The following EFNB3 variants were observed in gnomAD, a reference collection of about 807,000 sequenced individuals.
EFNB3 encodes ephrin-B3.
Under a neutral mutation model 29.8 loss-of-function variants are expected in EFNB3, and 14 were observed. That is an observed-to-expected ratio of 0.47 (90% CI 0.31 to 0.73). The LOEUF (loss-of-function observed/expected upper bound fraction) is 0.73. Among genes scored for constraint, EFNB3 ranks in the 30% least tolerant of loss-of-function variants. The pLI is 0.05. For missense variants in EFNB3, 408 were observed against 458.0 expected, an observed-to-expected ratio of 0.89 and a Z score of 1.00; for synonymous variants, 216 against 191.6, an observed-to-expected ratio of 1.13 and a Z score of -1.05.
chr17:7,709,976 T>G lies in EFNB3; in HGVS notation c.*400T>G. ...CTGGTTTTCTCTTCTCTATCTCTTA[T>G]TCTTTCCCTCTCTTCCGTCTCTAGG... On this transcript the variant is annotated 3_prime_UTR_variant, in exon 5 of 5. Transcript: ENST00000226091. The surrounding 1 kb of genome is among the most constrained non-coding windows in gnomAD (Gnocchi z 4.5). 6.4e-6 allele frequency: 2 copies of G among 312,670 alleles called. No homozygotes were observed. The highest frequency in any genetic ancestry group is 6.0e-6 in the Non-Finnish European group (1 of 166,754). The allele number at this position is 312,670 out of a possible 1,614,324, so 19.4% of individuals were successfully genotyped here. A position where few individuals can be genotyped will look rare whatever the true frequency, so the allele number is the denominator to read the frequency against.
rs1364961418 is a variant in EFNB3, at chr17:7,709,756, A to C, written c.*180A>C. 2.9e-6 allele frequency: 2 copies of C among 684,318 alleles called. No homozygotes were observed. The highest frequency in any genetic ancestry group is 5.7e-5 in the East Asian group (2 of 34,820). 42.4% of individuals were successfully genotyped at this position (684,318 alleles called of 1,614,324 possible). On this transcript the variant is annotated 3_prime_UTR_variant, in exon 5 of 5. Coordinates refer to ENST00000226091, the MANE Select transcript of EFNB3 (RefSeq NM_001406.4). This position sits in a 1 kb window ranked among gnomAD's most constrained non-coding sequence, Gnocchi z 4.5. ...GATTCCTTAGGATTCCCACTGCCCC[A>C]CTTCCTGCCCTCCCGTTTGGCCATG...
At chr17:7,707,580 A>G (rs1219713255) in intron 1 of EFNB3, among the ~76,000 whole-genome samples, 2 of 152,146 alleles carry the variant, frequency 1.3e-5, no homozygotes, top group African/African-American at 4.8e-5. Context: ...GAATAGTGAA[A>G]TCACCTGGGA....
At position 7,709,621 on chromosome 17, in the gene EFNB3, T is replaced by C. The variant is rs747225977; in HGVS notation, c.*45T>C. 1.2e-6 allele frequency: 2 copies of C among 1,611,800 alleles called. No individual in the cohort carries two copies. Among genetic ancestry groups the C allele is most frequent in the Non-Finnish European group, 1.7e-6 (2 of 1,179,226 alleles). ...ATCCTGAATCCAGCCCTTCTTGGGG[T>C]GCTCCTCCAGTTTAATTCCTGGTTT... On this transcript the variant is annotated 3_prime_UTR_variant, in exon 5 of 5. Transcript: ENST00000226091. The surrounding 1 kb of genome is among the most constrained non-coding windows in gnomAD (Gnocchi z 4.5).
Position 7,709,842 on chromosome 17 carries a change from A to G in EFNB3, c.*266A>G. 1.8e-6 allele frequency: 1 copy of G among 559,026 alleles called. No individual in the cohort carries two copies. Among genetic ancestry groups the G allele is most frequent in the African/African-American group, 1.9e-5 (1 of 52,288 alleles). 34.6% of individuals were successfully genotyped at this position (559,026 alleles called of 1,614,324 possible). A position where few individuals can be genotyped will look rare whatever the true frequency, so the allele number is the denominator to read the frequency against. On this transcript the variant is annotated 3_prime_UTR_variant, in exon 5 of 5. Coordinates refer to ENST00000226091, the MANE Select transcript of EFNB3 (RefSeq NM_001406.4). The surrounding 1 kb of genome is among the most constrained non-coding windows in gnomAD (Gnocchi z 4.5). ...TTTCCTTGGGGAGGGGCACAGGCTC[A>G]GCCTCCTCTCTGACCATGACCCAGG... is the stretch of plus-strand genomic sequence containing the variant.
chr17:7,705,555 C>G lies in EFNB3; in HGVS notation c.-44C>G. 8.2e-7 allele frequency: 1 copy of G among 1,220,120 alleles called. No homozygotes were observed. Among genetic ancestry groups the G allele is most frequent in the Non-Finnish European group, 1.1e-6 (1 of 914,266 alleles). 75.6% of individuals were successfully genotyped at this position (1,220,120 alleles called of 1,614,324 possible). A position where few individuals can be genotyped will look rare whatever the true frequency, so the allele number is the denominator to read the frequency against. Reference sequence around the variant, plus strand: ...GGCAGCCACCCCGGGGGGTGGGCGACTTTGGGGGAGTTGGTGCCCCGCCCC... The same window carrying G: ...GGCAGCCACCCCGGGGGGTGGGCGAGTTTGGGGGAGTTGGTGCCCCGCCCC... On this transcript the variant is annotated 5_prime_UTR_variant, in exon 1 of 5. Transcript: ENST00000226091. The surrounding 1 kb of genome is among the most constrained non-coding windows in gnomAD (Gnocchi z 5.4).
At position 7,708,493 on chromosome 17, in the gene EFNB3, C is replaced by A. The variant is rs1325873251; in HGVS notation, c.474C>A (p.Thr158=). The A allele has an allele frequency of 6.2e-7, 1 of 1,613,980 alleles. No homozygotes were observed. The highest frequency in any genetic ancestry group is 2.2e-5 in the East Asian group (1 of 44,878). ...LESLQGGVCL[T]RGMKVLLRVG... The stretch of plus-strand genomic sequence containing the variant: ...GCCTGCAGGGAGGTGTGTGCCTAAC[C>A]AGAGGCATGAAGGTGCTTCTCCGAG... The change falls in exon 3 of 5, where the codon ACC becomes ACA. Residue 158 remains threonine (T), a synonymous_variant. Coordinates refer to ENST00000226091, the MANE Select transcript of EFNB3 (RefSeq NM_001406.4). The surrounding 1 kb of genome is among the most constrained non-coding windows in gnomAD (Gnocchi z 6.8).
chr17:7,707,844 G>T, intron 1 of EFNB3, 114 bp from the exon 2 acceptor site: 1 of 1,229,556 alleles, frequency 8.1e-7, no homozygotes, highest in Middle Eastern at 2.8e-4. Context: ...ACAAAGGCGG[G>T]CAAGCGTGAG....
At chr17:7,707,143 G>A (rs2074330070) in intron 1 of EFNB3, among the ~76,000 whole-genome samples, 1 of 152,186 alleles carries the variant, frequency 6.6e-6, no homozygotes, top group South Asian at 2.1e-4. Context: ...TGTCTCAGCA[G>A]CTATTGATGT....
In EFNB3 at chr17:7,708,808, G is replaced by A. The variant is rs544076747; in HGVS notation, c.613+69G>A. On this transcript the variant is annotated intron_variant, in intron 4 of 4. Coordinates refer to ENST00000226091, the MANE Select transcript of EFNB3 (RefSeq NM_001406.4). This position sits in a 1 kb window ranked among gnomAD's most constrained non-coding sequence, Gnocchi z 6.8. ...GCTCTCAGACCCCAGCTGCCCTGCC[G>A]TCACCCTCCCTCCCTCTTCAGTTTT... is the stretch of plus-strand genomic sequence containing the variant. 2.6e-5 allele frequency: 36 copies of A among 1,373,672 alleles called. No homozygotes were observed. The Admixed American group carries it at 3.0e-4, about 11-fold the overall frequency. The allele number at this position is 1,373,672 out of a possible 1,614,324, so 85.1% of individuals were successfully genotyped here. A position where few individuals can be genotyped will look rare whatever the true frequency, so the allele number is the denominator to read the frequency against.
chr17:7,707,353 C>T (rs915144621), intron 1 of EFNB3, among the ~76,000 whole-genome samples: 1 of 152,218 alleles, frequency 6.6e-6, no homozygotes, highest in Non-Finnish European at 1.5e-5. Context: ...ACTCAGGCAG[C>T]AGGTTCCTAG....
chr17:7,706,971 G>A (rs533211427), intron 1 of EFNB3, among the ~76,000 whole-genome samples: 1 of 152,320 alleles, frequency 6.6e-6, no homozygotes, highest in East Asian at 1.9e-4. Context: ...TGCAATGTGA[G>A]TATCAGGTGT....
rs2074335338 is a variant in EFNB3 at position 7,708,441 on chromosome 17, C to T, written c.422C>T (p.Ser141Leu). The T allele has an allele frequency of 1.9e-6, 3 of 1,612,828 alleles. No individual in the cohort carries two copies. Among genetic ancestry groups the T allele is most frequent in the Non-Finnish European group, 2.5e-6 (3 of 1,179,480 alleles). Reference protein sequence around the residue: ...SHHDYYIIATSDGTREGLESL... With the variant: ...SHHDYYIIATLDGTREGLESL... ...TCTGGCTTTTCTCTCCCAGCCACAT[C>T]GGATGGGACCCGGGAGGGCCTGGAG... The change falls in exon 3 of 5, where the codon TCG (serine) becomes TTG (leucine). Residue 141 changes from serine (S) to leucine (L), a missense_variant. Around this residue, in one of 3 missense-constraint regions of EFNB3, gnomAD observed 47 missense variants for 86.6 expected, o/e 0.54. Coordinates refer to ENST00000226091, the MANE Select transcript of EFNB3 (RefSeq NM_001406.4). The surrounding 1 kb of genome is among the most constrained non-coding windows in gnomAD (Gnocchi z 6.8).
rs2074326453 is a variant in EFNB3, at chr17:7,705,991, G to C, written c.122+271G>C. Among the ~76,000 whole-genome samples the C allele has an allele frequency of 6.6e-6, 1 of 151,578 alleles. No individual in the cohort carries two copies. Among genetic ancestry groups the C allele is most frequent in the Non-Finnish European group, 1.5e-5 (1 of 67,914 alleles). ...GTTCATGGGTAGCCGGGAGGGCAGTGAGGTGGGTATTTGGATCTGTGGGAG... is the reference window on the plus strand; with the variant it reads ...GTTCATGGGTAGCCGGGAGGGCAGTCAGGTGGGTATTTGGATCTGTGGGAG... On this transcript the variant is annotated intron_variant, in intron 1 of 4. Transcript: ENST00000226091. The surrounding 1 kb of genome is among the most constrained non-coding windows in gnomAD (Gnocchi z 5.4).
At position 7,711,188 on chromosome 17, in the gene EFNB3, G is replaced by A. The variant is rs2074348294; in HGVS notation, c.*1612G>A. 1 of 152,624 alleles carries A rather than the reference G, an allele frequency of 6.6e-6. No individual in the cohort carries two copies. The highest frequency in any genetic ancestry group is 2.4e-5 in the African/African-American group (1 of 41,436). The allele number at this position is 152,624 out of a possible 1,614,324, so 9.5% of individuals were successfully genotyped here. A position where few individuals can be genotyped will look rare whatever the true frequency, so the allele number is the denominator to read the frequency against. On this transcript the variant is annotated 3_prime_UTR_variant, in exon 5 of 5. Transcript: ENST00000226091. ...GGTTGCTTTGTCCACCAGAGGTCAAGTTCACCTCTCTGGTGCTGTAGTTCC... is the reference window on the plus strand; with the variant it reads ...GGTTGCTTTGTCCACCAGAGGTCAAATTCACCTCTCTGGTGCTGTAGTTCC...
Position 7,709,891 on chromosome 17 carries a change from CAGAGCT to C in EFNB3, c.*318_*323del. 1 of 476,436 alleles carries C rather than the reference CAGAGCT, an allele frequency of 2.1e-6. No individual in the cohort carries two copies. The highest frequency in any genetic ancestry group is 3.9e-5 in the Admixed American group (1 of 25,576). 29.5% of individuals were successfully genotyped at this position (476,436 alleles called of 1,614,324 possible). A position where few individuals can be genotyped will look rare whatever the true frequency, so the allele number is the denominator to read the frequency against. ...GGCATCCTTGTCCCCCTCACCCACCCAGAGCTAGGGGCGGGAACAGCCCACCTTTTG... is the reference window on the plus strand; with the variant it reads ...GGCATCCTTGTCCCCCTCACCCACCCAGGGGCGGGAACAGCCCACCTTTTG... On this transcript the variant is annotated 3_prime_UTR_variant, in exon 5 of 5. Coordinates refer to ENST00000226091, the MANE Select transcript of EFNB3 (RefSeq NM_001406.4). The surrounding 1 kb of genome is among the most constrained non-coding windows in gnomAD (Gnocchi z 4.5).
rs758138546 is a variant in EFNB3, at chr17:7,705,772, A to G, written c.122+52A>G. ...CCAGACCCTAGGGCAGTGGGTAGGG[A>G]AGCTCTGGGGGCTTGGAGGCGGGCT... On this transcript the variant is annotated intron_variant, in intron 1 of 4. Coordinates refer to ENST00000226091, the MANE Select transcript of EFNB3 (RefSeq NM_001406.4). This position sits in a 1 kb window ranked among gnomAD's most constrained non-coding sequence, Gnocchi z 5.4. 8.6e-6 allele frequency: 13 copies of G among 1,516,492 alleles called. No individual in the cohort carries two copies. Among genetic ancestry groups the G allele is most frequent in the Non-Finnish European group, 9.6e-6 (11 of 1,148,364 alleles). The allele number at this position is 1,516,492 out of a possible 1,614,324, so 93.9% of individuals were successfully genotyped here. A position where few individuals can be genotyped will look rare whatever the true frequency, so the allele number is the denominator to read the frequency against.
At position 7,709,541 on chromosome 17, in the gene EFNB3, C is replaced by T. The variant is rs1015725440; in HGVS notation, c.988C>T (p.Pro330Ser). ...TGTGTATATCGTGCAGGATGGGCCC[C>T]CCCAGAGCCCTCCAAACATCTACTA... ...HPVYIVQDGPPQSPPNIYYKV is the reference protein window; with the variant it reads ...HPVYIVQDGPSQSPPNIYYKV The change falls in exon 5 of 5, where the codon CCC becomes TCC. Residue 330 changes from proline (P) to serine (S), a missense_variant. Pro to Ser is a moderately conservative substitution (Grantham distance 74). Around this residue, in one of 3 missense-constraint regions of EFNB3, gnomAD observed 233 missense variants for 230.7 expected, o/e 1.01. Transcript: ENST00000226091. This position sits in a 1 kb window ranked among gnomAD's most constrained non-coding sequence, Gnocchi z 4.5. 1 of 1,613,948 alleles carries T rather than the reference C, an allele frequency of 6.2e-7. No individual in the cohort carries two copies. The highest frequency in any genetic ancestry group is 2.2e-5 in the East Asian group (1 of 44,872).
chr17:7,708,992 A>G lies in EFNB3; in HGVS notation c.614-175A>G, dbSNP rs2074338307. On this transcript the variant is annotated intron_variant, in intron 4 of 4. Transcript: ENST00000226091. The surrounding 1 kb of genome is among the most constrained non-coding windows in gnomAD (Gnocchi z 6.8). The stretch of plus-strand genomic sequence containing the variant: ...GGAGGACTCCGTGGCAGGAAGCTGA[A>G]GGGCTGGACACCTGGATTCTGAGCA... 6.6e-6 allele frequency among the ~76,000 whole-genome samples: 1 copy of G among 152,188 alleles called. No homozygotes were observed. The highest frequency in any genetic ancestry group is 2.4e-5 in the African/African-American group (1 of 41,460).
Position 7,705,641 on chromosome 17 carries a change from G to A in EFNB3, c.43G>A (p.Ala15Thr). Residue 15 changes from alanine (A) to threonine (T), a missense_variant, in exon 1 of 5, where the codon GCC becomes ACC. Physicochemically the swap from Ala to Thr is moderately conservative, Grantham distance 58. Transcript: ENST00000226091. This position sits in a 1 kb window ranked among gnomAD's most constrained non-coding sequence, Gnocchi z 5.4. ...TGGGCCGGGGGGCGTGCGAGTCGGG[G>A]CCCTGCTGCTGCTGGGGGTTTTGGG... ...HSGPGGVRVG[A>T]LLLLGVLGLV... 1 of 1,519,054 alleles carries A rather than the reference G, an allele frequency of 6.6e-7. No homozygotes were observed. The highest frequency in any genetic ancestry group is 1.3e-5 in the South Asian group (1 of 77,940). 94.1% of individuals were successfully genotyped at this position (1,519,054 alleles called of 1,614,324 possible).
Sources: allele counts gnomAD v4.1 joint callset (sites outside exome capture counted in the v4.1 genomes callset), GRCh38; gene constraint gnomAD v4.1.1; regional missense constraint gnomAD v4.1.1; non-coding constraint Gnocchi (gnomAD v3.1); transcripts MANE v1.5; gene names NCBI Gene and HGNC (gene_info 2026-07-23, HGNC 2026-07-21).